Variants in LMBRD2 observed in about 807,000 individuals in gnomAD.
The protein encoded by LMBRD2 is G protein-coupled receptor-associated protein LMBRD2.
LMBRD2 carries 55 observed loss-of-function variants against 94.4 expected under a neutral mutation model. The observed-to-expected ratio is 0.58, with a 90% CI of 0.47 to 0.73. The LOEUF (loss-of-function observed/expected upper bound fraction) is 0.73, where lower values mean the gene tolerates loss of function less well. Among genes scored for constraint, LMBRD2 ranks in the 30% least tolerant of loss-of-function variants. The pLI is 0.00. For missense variants in LMBRD2, 640 were observed against 831.9 expected (o/e 0.77, Z 2.84); for synonymous variants, 246 against 272.4 (o/e 0.90, Z 0.95).
intron 4 of LMBRD2, among the ~76,000 whole-genome samples, chr5:36,140,442 T>C (rs772055329): frequency 2.6e-5 from 4 of 152,236 alleles, no homozygotes; most frequent in Non-Finnish European, 5.9e-5. Flanking sequence ...CAGGCAAAGG[T>C]GCTACTGGCC....
At chr5:36,135,961 T>G (rs1476399143) in intron 6 of LMBRD2, among the ~76,000 whole-genome samples, 1 of 152,258 alleles carries the variant, frequency 6.6e-6, no homozygotes, top group Non-Finnish European at 1.5e-5. Context: ...CTGGTCATTA[T>G]TCTCAGTTCT....
chr5:36,132,387 A>AT (rs111390733), intron 6 of LMBRD2, among the ~76,000 whole-genome samples: 5,483 of 152,152 alleles, frequency 0.036, 338 homozygotes, highest in African/African-American at 0.13. Flanking sequence ...ACTCTCCAGG[A>AT]TATTGGACTG....
intron 1 of LMBRD2, among the ~76,000 whole-genome samples, chr5:36,143,692 G>T (rs1316355824): frequency 6.6e-6 from 1 of 152,004 alleles, no homozygotes; most frequent in Non-Finnish European, 1.5e-5. Flanking sequence ...TCTTATTTTA[G>T]ATGTGAACAG....
At chr5:36,142,817 C>T (rs1298201582) in intron 2 of LMBRD2, 6 of 397,008 alleles carry the variant, frequency 1.5e-5, no homozygotes, top group South Asian at 3.0e-5. Flanking sequence ...CTCCGCCTCC[C>T]GGATTCACGC....
intron 6 of LMBRD2, among the ~76,000 whole-genome samples, chr5:36,124,796 C>T (rs1442675253): frequency 6.6e-6 from 1 of 152,090 alleles, no homozygotes; most frequent in Non-Finnish European, 1.5e-5. Context: ...GGCCTGTAAT[C>T]CCAGCACTTT....
Position 36,117,880 on chromosome 5 carries a change from T to C in LMBRD2, c.1157A>G (p.Tyr386Cys), listed in dbSNP as rs1743795705. ...GGACAGAACCACAGCAAGTATCTTG[T>C]AAAACCATGGTCGCAAAAGACATTC... ...YWECLLRPWF[Y>C]KILAVVLSIF... The change falls in exon 10 of 18, where the codon TAC becomes TGC. Residue 386 changes from tyrosine to cysteine, a missense_variant. By Grantham distance (194) the Tyr-to-Cys change is radical. This residue lies in a region of LMBRD2 where 457 missense variants were observed against 642.8 expected (regional missense o/e 0.71). Coordinates refer to ENST00000296603, the MANE Select transcript of LMBRD2 (RefSeq NM_001007527.2). 1.9e-6 allele frequency: 3 copies of C among 1,612,460 alleles called. No individual in the cohort carries two copies. The highest frequency in any genetic ancestry group is 1.7e-6 in the Non-Finnish European group (2 of 1,179,554).
chr5:36,141,203 C>T lies in LMBRD2; in HGVS notation c.273-1G>A, dbSNP rs76255884. The T allele has an allele frequency of 1.3e-6, 2 of 1,588,298 alleles. No individual in the cohort carries two copies. Among genetic ancestry groups the T allele is most frequent in the Non-Finnish European group, 1.7e-6 (2 of 1,163,450 alleles). On this transcript the variant is annotated splice_acceptor_variant, in intron 3 of 17. Transcript: ENST00000296603. LOFTEE classifies it high-confidence loss of function. ...CCATGGCTTGAAACAAGGATGCTGG[C>T]TGTTGAATAAAAAGTTAAAGCCAAC...
rs115320654 is a variant in LMBRD2 at position 36,106,369 on chromosome 5, A to C, written c.1898-1172T>G. Reference sequence around the variant, plus strand: ...GACTGTATTACCAAACAGTCTCTGAAATGGTTTCTAGTCTCACTTCCCCAA... The same window carrying C: ...GACTGTATTACCAAACAGTCTCTGACATGGTTTCTAGTCTCACTTCCCCAA... On this transcript the variant is annotated intron_variant, in intron 16 of 17. Transcript: ENST00000296603. Among the ~76,000 whole-genome samples the C allele has an allele frequency of 1.8e-3, 274 of 152,212 alleles. 1 individual carries two copies. Among genetic ancestry groups the C allele is most frequent in the African/African-American group, 6.0e-3 (249 of 41,534 alleles).
At chr5:36,116,266 C>T (rs1743742546) in intron 11 of LMBRD2, among the ~76,000 whole-genome samples, 194 bp downstream of exon 11, 1 of 152,102 alleles carries the variant, frequency 6.6e-6, no homozygotes, top group South Asian at 2.1e-4. Flanking sequence ...ACCTAGCACA[C>T]CTATTTTAAC....
At chr5:36,150,580 A>C (rs1744671682) in intron 1 of LMBRD2, among the ~76,000 whole-genome samples, 1 of 152,214 alleles carries the variant, frequency 6.6e-6, no homozygotes, top group South Asian at 2.1e-4. Context: ...ACAAAGGCAA[A>C]TGCTTTCTCC....
Position 36,099,071 on chromosome 5 carries a change from A to G in LMBRD2, c.*4975T>C, listed in dbSNP as rs1446356511. ...GCAATGCAGAAATTAGGTTTTTGGT[A>G]TATTAATAATTTGCTTGTGTATTGG... On this transcript the variant is annotated 3_prime_UTR_variant, in exon 18 of 18. Transcript: ENST00000296603. 1 of 152,116 alleles carries G rather than the reference A, an allele frequency of 6.6e-6. No homozygotes were observed. Among genetic ancestry groups the G allele is most frequent in the Non-Finnish European group, 1.5e-5 (1 of 67,972 alleles). 9.4% of individuals were successfully genotyped at this position (152,116 alleles called of 1,614,324 possible).
intron 16 of LMBRD2, among the ~76,000 whole-genome samples, chr5:36,106,751 C>T (rs1161000767): frequency 6.6e-6 from 1 of 151,988 alleles, no homozygotes; most frequent in Non-Finnish European, 1.5e-5. Context: ...CTTAGGTGAT[C>T]CACCCACCTC....
chr5:36,119,731 C>A (rs1322766294), intron 9 of LMBRD2, among the ~76,000 whole-genome samples: 1 of 152,192 alleles, frequency 6.6e-6, no homozygotes, highest in Non-Finnish European at 1.5e-5. Context: ...TCCTAGGCAA[C>A]TATTTTGCAC....
chr5:36,117,721 T>TA lies in LMBRD2; in HGVS notation c.1302+13dup, dbSNP rs754944387. 14 of 1,556,776 alleles carry TA rather than the reference T, an allele frequency of 9.0e-6. No individual in the cohort carries two copies. The African/African-American group carries it at 1.9e-4, about 21-fold the overall frequency. On this transcript the variant is annotated intron_variant, in intron 10 of 17. Transcript: ENST00000296603. ...AAGTGACATCTATTTATGACAGACA[T>TA]AAAATAAACTGACCTCGATATAAAT... is the stretch of plus-strand genomic sequence containing the variant.
chr5:36,125,583 A>C (rs1743990156), intron 6 of LMBRD2, among the ~76,000 whole-genome samples: 1 of 152,212 alleles, frequency 6.6e-6, no homozygotes, highest in Non-Finnish European at 1.5e-5. Flanking sequence ...AATTGATATC[A>C]TGTAAAGAGG....
intron 6 of LMBRD2, among the ~76,000 whole-genome samples, chr5:36,124,743 G>C (rs1034320486): frequency 2.0e-5 from 3 of 152,050 alleles, no homozygotes; most frequent in Admixed American, 1.3e-4. Context: ...CTCCATACTT[G>C]CTTATCAGGA....
chr5:36,103,954 T>C lies in LMBRD2; in HGVS notation c.*92A>G. 3 of 838,164 alleles carry C rather than the reference T, an allele frequency of 3.6e-6. No homozygotes were observed. In the Admixed American group the frequency reaches 6.3e-5, roughly 18 times the overall value. 51.9% of individuals were successfully genotyped at this position (838,164 alleles called of 1,614,324 possible). ...TTTGTTATCTTGACACTTTTCACTG[T>C]GTATAGAGGAAATTCTAGGGTACAC... On this transcript the variant is annotated 3_prime_UTR_variant, in exon 18 of 18. Transcript: ENST00000296603.
intron 3 of LMBRD2, 75 bp downstream of exon 3, chr5:36,142,427 G>A: frequency 1.3e-6 from 1 of 770,298 alleles, no homozygotes; most frequent in Non-Finnish European, 2.2e-6. Flanking sequence ...ATAAAGTCTG[G>A]ATGGTAAAAA....
intron 4 of LMBRD2, among the ~76,000 whole-genome samples, chr5:36,138,621 A>G (rs897623329): frequency 1.3e-5 from 2 of 152,172 alleles, no homozygotes; most frequent in African/African-American, 4.8e-5. Context: ...ACATCATCTG[A>G]GTGCTGGTGT....
Sources: allele counts gnomAD v4.1 joint callset (sites outside exome capture counted in the v4.1 genomes callset), GRCh38; gene constraint gnomAD v4.1.1; regional missense constraint gnomAD v4.1.1; transcripts MANE v1.5; gene names NCBI Gene and HGNC (gene_info 2026-07-23, HGNC 2026-07-21).